CHRM3: variants seen among roughly 807,000 people sequenced by gnomAD.
CHRM3 encodes cholinergic receptor muscarinic 3.
CHRM3 carries 11 observed loss-of-function variants against 41.8 expected under a neutral mutation model. The observed-to-expected ratio is 0.26, with a 90% CI of 0.17 to 0.44. The LOEUF is 0.44. Ranked by LOEUF, CHRM3 falls within the 20% of genes least tolerant of loss-of-function variation. The pLI, the probability that CHRM3 is intolerant of heterozygous loss-of-function variation, is 1.00. For synonymous variants in CHRM3, 297 were observed against 301.4 expected (o/e 0.99, Z 0.15); for missense variants, 571 against 745.4 (o/e 0.77, Z 2.72).
At chr1:239,636,475 T>A (rs1670479216) in intron 4 of CHRM3, among the ~76,000 whole-genome samples, 1 of 152,142 alleles carries the variant, frequency 6.6e-6, no homozygotes, top group South Asian at 2.1e-4. Flanking sequence ...GACAGGAAAA[T>A]GAAAACTAGA....
intron 5 of CHRM3, among the ~76,000 whole-genome samples, chr1:239,726,166 C>A (rs559531338): frequency 6.6e-6 from 1 of 151,994 alleles, no homozygotes; most frequent in Admixed American, 6.6e-5. Flanking sequence ...TTCTGAAAAG[C>A]GTATTGACCT....
intron 1 of CHRM3, among the ~76,000 whole-genome samples, chr1:239,404,212 C>T (rs1315158661): frequency 6.0e-5 from 9 of 149,970 alleles, no homozygotes; most frequent in Non-Finnish European, 1.3e-4. Flanking sequence ...TGGCGTGAAC[C>T]CAGGAGGCAG....
In CHRM3 at chr1:239,460,345, C is replaced by T. The variant is rs552187550; in HGVS notation, c.-520-32364C>T. Among the ~76,000 whole-genome samples, 393 of 152,178 alleles carry T rather than the reference C, an allele frequency of 2.6e-3. 2 individuals carry two copies. The highest frequency in any genetic ancestry group is 4.2e-3 in the Non-Finnish European group (285 of 68,020). ...ATCATAATTTAAGGATTGATGCTTGCTGCTAAGAAGTTCCAGGGTATTAAG... is the reference window on the plus strand; with the variant it reads ...ATCATAATTTAAGGATTGATGCTTGTTGCTAAGAAGTTCCAGGGTATTAAG... On this transcript the variant is annotated intron_variant, in intron 1 of 6. Coordinates refer to ENST00000676153, the MANE Select transcript of CHRM3 (RefSeq NM_001375978.1).
At chr1:239,825,986 C>T (rs1012489211) in intron 5 of CHRM3, among the ~76,000 whole-genome samples, 6 of 152,142 alleles carry the variant, frequency 3.9e-5, no homozygotes, top group African/African-American at 1.4e-4. Context: ...ATACCATTTA[C>T]GTGAGGAACA....
chr1:239,433,782 C>T (rs1254050341), intron 1 of CHRM3, among the ~76,000 whole-genome samples: 1 of 152,128 alleles, frequency 6.6e-6, no homozygotes, highest in East Asian at 1.9e-4. Context: ...CTGCGAATGC[C>T]GTTAATTTGT....
At chr1:239,435,992 C>A (rs549997668) in intron 1 of CHRM3, among the ~76,000 whole-genome samples, 2 of 152,064 alleles carry the variant, frequency 1.3e-5, no homozygotes, top group Non-Finnish European at 2.9e-5. Flanking sequence ...AAGTGGAAAG[C>A]TGACAAAGTG....
chr1:239,799,278 G>A (rs1430966932), intron 5 of CHRM3, among the ~76,000 whole-genome samples: 1 of 152,174 alleles, frequency 6.6e-6, no homozygotes, highest in Admixed American at 6.5e-5. Context: ...GCACTGGATT[G>A]AATGAGTTTG....
intron 3 of CHRM3, among the ~76,000 whole-genome samples, chr1:239,598,150 C>G (rs1315798878): frequency 6.6e-6 from 1 of 152,124 alleles, no homozygotes; most frequent in Non-Finnish European, 1.5e-5. Context: ...GGCTCTCCCT[C>G]CTCTAGTGCT....
chr1:239,579,887 A>G (rs1662707605), intron 3 of CHRM3, among the ~76,000 whole-genome samples: 1 of 152,034 alleles, frequency 6.6e-6, no homozygotes. Context: ...AATTGTCACC[A>G]TTTTACAGGG....
chr1:239,530,969 CAAG>C (rs1670363559), intron 2 of CHRM3, among the ~76,000 whole-genome samples: 1 of 152,074 alleles, frequency 6.6e-6, no homozygotes, highest in African/African-American at 2.4e-5. Flanking sequence ...TCTACATATT[CAAG>C]AAGCTCAACG....
intron 5 of CHRM3, among the ~76,000 whole-genome samples, chr1:239,732,780 T>C (rs963793172): frequency 1.1e-5 from 1 of 93,512 alleles, no homozygotes; most frequent in South Asian, 5.2e-4. Context: ...TAGATAAGTA[T>C]ACCTAATATC....
chr1:239,627,390 G>T (rs1463118570), intron 3 of CHRM3, among the ~76,000 whole-genome samples: 3 of 119,404 alleles, frequency 2.5e-5, no homozygotes, highest in Non-Finnish European at 5.3e-5. Context: ...TTGAGCCTAT[G>T]TGTGTCTCTG....
At chr1:239,666,887 G>A (rs931749409) in intron 4 of CHRM3, among the ~76,000 whole-genome samples, 1 of 152,080 alleles carries the variant, frequency 6.6e-6, no homozygotes, top group African/African-American at 2.4e-5. Context: ...AGTACACAAT[G>A]TTTAGCTCCC....
intron 1 of CHRM3, among the ~76,000 whole-genome samples, chr1:239,477,669 G>A (rs983983540): frequency 3.5e-4 from 53 of 152,200 alleles, no homozygotes; most frequent in African/African-American, 1.2e-3. Flanking sequence ...TTTCCAGTGG[G>A]CCTTCACTGA....
At chr1:239,766,109 C>T (rs1278504660) in intron 5 of CHRM3, among the ~76,000 whole-genome samples, 7 of 151,990 alleles carry the variant, frequency 4.6e-5, no homozygotes, top group African/African-American at 7.2e-5. Flanking sequence ...ACACCGCGCC[C>T]GGCCATGCAT....
At position 239,404,410 on chromosome 1, in the gene CHRM3, AAAAGAAAGAAAG is replaced by A. The variant is rs1170633500; in HGVS notation, c.-521+17231_-521+17242del. Among the ~76,000 whole-genome samples, 352 of 51,700 alleles carry A rather than the reference AAAAGAAAGAAAG, an allele frequency of 6.8e-3. 10 individuals carry two copies. Among genetic ancestry groups the A allele is most frequent in the African/African-American group, 0.021 (324 of 15,506 alleles). 33.9% of individuals were successfully genotyped at this position (51,700 alleles called of 152,430 possible). On this transcript the variant is annotated intron_variant, in intron 1 of 6. Transcript: ENST00000676153. ...AAAGAAAGAAAGAAAGAAAGAAAGA[AAAAGAAAGAAAG>A]AAAGAAAGAAAGAAAGAAAGAAAGA...
chr1:239,776,383 G>A (rs985846928), intron 5 of CHRM3, among the ~76,000 whole-genome samples: 1 of 152,188 alleles, frequency 6.6e-6, no homozygotes, highest in African/African-American at 2.4e-5. Context: ...AATTATGTAA[G>A]TGTATCTTAA....
At chr1:239,483,853 A>G (rs1314734910) in intron 1 of CHRM3, among the ~76,000 whole-genome samples, 1 of 152,206 alleles carries the variant, frequency 6.6e-6, no homozygotes, top group Non-Finnish European at 1.5e-5. Flanking sequence ...ATATTGCAGC[A>G]AGTGTGGATT....
At chr1:239,463,179 A>G (rs977120639) in intron 1 of CHRM3, among the ~76,000 whole-genome samples, 2 of 152,194 alleles carry the variant, frequency 1.3e-5, no homozygotes, top group Admixed American at 6.5e-5. Context: ...CATATTATAG[A>G]TACAGATAGA....
Sources: gnomAD v4.1 joint callset for allele counts (sites outside exome capture counted in the v4.1 genomes callset) on GRCh38, gnomAD v4.1.1 for gene constraint, MANE v1.5 for transcripts, NCBI Gene and HGNC (gene_info 2026-07-23, HGNC 2026-07-21) for gene names.